Variants in CAST observed in about 807,000 individuals in gnomAD.
CAST encodes calpastatin.
CAST carries 76 observed loss-of-function variants against 119.6 expected under a neutral mutation model. The ratio of observed to expected loss-of-function variants is 0.64; its 90% CI spans 0.53 to 0.77. The LOEUF is 0.77. Ranked by LOEUF, CAST falls within the 30% of genes least tolerant of loss-of-function variation. CAST has a pLI of 0.00. For missense variants in CAST, 953 were observed against 946.5 expected (o/e 1.01, Z -0.09); for synonymous variants, 319 against 331.6 (o/e 0.96, Z 0.41).
the CAST span, among the ~76,000 whole-genome samples, chr5:96,163,435 T>A: frequency 6.6e-6 from 1 of 152,236 alleles, no homozygotes; most frequent in Non-Finnish European, 1.5e-5. Flanking sequence ...CTGTTTCCAA[T>A]TTCTTGGTAT....
At chr5:96,018,013 A>G in the CAST span, among the ~76,000 whole-genome samples, 3 of 152,174 alleles carry the variant, frequency 2.0e-5, no homozygotes, top group Non-Finnish European at 4.4e-5. Flanking sequence ...TAATTTAACT[A>G]CCAGTACTGA....
chr5:95,965,925 C>CATT, the CAST span, among the ~76,000 whole-genome samples: 2 of 152,050 alleles, frequency 1.3e-5, no homozygotes, highest in African/African-American at 4.8e-5. Context: ...TGTTACATTG[C>CATT]ATTATTATTA....
At chr5:96,760,339 A>C (rs1767491403) in intron 24 of CAST, among the ~76,000 whole-genome samples, 1 of 152,024 alleles carries the variant, frequency 6.6e-6, no homozygotes, top group African/African-American at 2.4e-5. Flanking sequence ...AATCATGTCC[A>C]TGTAAAAGAT....
At chr5:96,756,190 C>T (rs1404034553) in intron 22 of CAST, among the ~76,000 whole-genome samples, 1 of 152,126 alleles carries the variant, frequency 6.6e-6, no homozygotes, top group Non-Finnish European at 1.5e-5. Context: ...ATTTGGCTCC[C>T]CGAGGGCAGG....
At chr5:96,662,081 T>A (rs745695584), upstream of CAST, 2 of 243,648 alleles carry the variant, frequency 8.2e-6, no homozygotes, top group Non-Finnish European at 1.6e-5. Flanking sequence ...GATCTGGGCA[T>A]CGAAGGAGGA....
At chr5:96,624,089 A>G (rs1272665483) in intron 1 of CAST, among the ~76,000 whole-genome samples, 1 of 152,236 alleles carries the variant, frequency 6.6e-6, no homozygotes, top group African/African-American at 2.4e-5. Flanking sequence ...TTTCTAGATT[A>G]TAACTGGACC....
At chr5:96,462,779 T>C in the CAST span, among the ~76,000 whole-genome samples, 1 of 152,108 alleles carries the variant, frequency 6.6e-6, no homozygotes, top group East Asian at 1.9e-4. Context: ...GGTGATTGGA[T>C]CATGGGGGCA....
At chr5:96,609,478 A>G (rs990718068) in intron 1 of CAST, among the ~76,000 whole-genome samples, 2 of 152,212 alleles carry the variant, frequency 1.3e-5, no homozygotes, top group Non-Finnish European at 2.9e-5. Flanking sequence ...ATATTGATCC[A>G]GTATGTCTGA....
intron 11 of CAST, among the ~76,000 whole-genome samples, chr5:96,739,297 C>T (rs968303810): frequency 6.6e-6 from 1 of 152,076 alleles, no homozygotes; most frequent in Non-Finnish European, 1.5e-5. Context: ...CCCATGTGTG[C>T]AAGGAGTTAT....
At position 96,618,082 on chromosome 5, in the gene CAST, G is replaced by A. The variant is rs1027409364; in HGVS notation, c.61-57457G>A. Among the ~76,000 whole-genome samples, 4 of 152,146 alleles carry A rather than the reference G, an allele frequency of 2.6e-5. No homozygotes were observed. The East Asian group carries it at 7.7e-4, about 29-fold the overall frequency. ...GTGGCAGGAGCTTGGCTTAGAATGG[G>A]AAAACAGATCAGAGACTTTAGCTCC... On this transcript the variant is annotated intron_variant, in intron 1 of 11. Transcript: ENST00000505143.
At chr5:96,237,855 G>T in the CAST span, among the ~76,000 whole-genome samples, 1 of 151,734 alleles carries the variant, frequency 6.6e-6, no homozygotes, top group Non-Finnish European at 1.5e-5. Flanking sequence ...TTTTGATTCT[G>T]TCCTTTTCCA....
the CAST span, among the ~76,000 whole-genome samples, chr5:96,519,110 C>T: frequency 1.3e-5 from 2 of 152,186 alleles, no homozygotes; most frequent in East Asian, 3.9e-4. Context: ...TAGTTAATGT[C>T]CTTTGATTCA....
At chr5:96,054,182 T>C in the CAST span, among the ~76,000 whole-genome samples, 1 of 152,174 alleles carries the variant, frequency 6.6e-6, no homozygotes, top group Non-Finnish European at 1.5e-5. Context: ...CAGTTTAATA[T>C]AGCTCTGATT....
chr5:96,225,723 A>G, the CAST span, among the ~76,000 whole-genome samples: 1 of 152,192 alleles, frequency 6.6e-6, no homozygotes, highest in Non-Finnish European at 1.5e-5. Context: ...TCTAACAGAA[A>G]CAGAGGTAAA....
At chr5:96,168,101 C>T in the CAST span, among the ~76,000 whole-genome samples, 1 of 152,098 alleles carries the variant, frequency 6.6e-6, no homozygotes, top group African/African-American at 2.4e-5. Flanking sequence ...TTCCTTGGTC[C>T]AAGAACCATT....
chr5:96,147,842 A>G, the CAST span, among the ~76,000 whole-genome samples: 1 of 152,262 alleles, frequency 6.6e-6, no homozygotes, highest in South Asian at 2.1e-4. Context: ...GGACATTATC[A>G]GCACTTTAAA....
chr5:96,092,048 G>A, the CAST span, among the ~76,000 whole-genome samples: 23 of 152,244 alleles, frequency 1.5e-4, no homozygotes, highest in East Asian at 3.9e-3. Flanking sequence ...ATGAATGAAT[G>A]AATGAAATCC....
At chr5:96,667,052 G>C (rs542086154) in intron 1 of CAST, among the ~76,000 whole-genome samples, 1 of 152,040 alleles carries the variant, frequency 6.6e-6, no homozygotes, top group Non-Finnish European at 1.5e-5. Context: ...CCATAAAGGC[G>C]GGGGGCAGGG....
intron 1 of CAST, among the ~76,000 whole-genome samples, chr5:96,669,585 A>T (rs1239245676): frequency 1.3e-5 from 2 of 152,218 alleles, no homozygotes; most frequent in African/African-American, 4.8e-5. Context: ...ATTTACTGAG[A>T]AAATAGAGAT....
Sources: allele counts gnomAD v4.1 joint callset (sites outside exome capture counted in the v4.1 genomes callset), GRCh38; gene constraint gnomAD v4.1.1; transcripts MANE v1.5; gene names NCBI Gene and HGNC (gene_info 2026-07-23, HGNC 2026-07-21).